Variants in KIAA1217 observed in about 807,000 individuals in gnomAD.
The protein encoded by KIAA1217 is KIAA1217, also known as sickle tail protein homolog.
In KIAA1217, 88 loss-of-function variants were observed where a neutral mutation model predicts 163.9. That is an observed-to-expected ratio of 0.54 (90% CI 0.45 to 0.64). The LOEUF (loss-of-function observed/expected upper bound fraction) is 0.64. Ranked by LOEUF, KIAA1217 falls within the 30% of genes least tolerant of loss-of-function variation. The pLI is 0.00. For synonymous variants in KIAA1217, 903 were observed against 923.1 expected, an observed-to-expected ratio of 0.98 and a Z score of 0.39; for missense variants, 2,372 against 2,475.0, an observed-to-expected ratio of 0.96 and a Z score of 0.88.
Position 23,730,003 on chromosome 10 carries a change from A to G in KIAA1217, c.-321+34769A>G, listed in dbSNP as rs542846988. Reference sequence around the variant, plus strand: ...TGCAAGCTCCGCCTCCCAGGTTCACACCATTGTCCTGCCTCAGTCTCCCAA... The same window carrying G: ...TGCAAGCTCCGCCTCCCAGGTTCACGCCATTGTCCTGCCTCAGTCTCCCAA... On this transcript the variant is annotated intron_variant, in intron 1 of 18. Transcript: ENST00000376462. Among the ~76,000 whole-genome samples, 41 of 151,878 alleles carry G rather than the reference A, an allele frequency of 2.7e-4. No homozygotes were observed. In the East Asian group the frequency reaches 7.8e-3, roughly 29 times the overall value.
chr10:23,855,249 T>G lies in KIAA1217; in HGVS notation c.-320-151976T>G, dbSNP rs948601462. Among the ~76,000 whole-genome samples the G allele has an allele frequency of 2.4e-4, 37 of 152,146 alleles. 1 individual carries two copies. Among genetic ancestry groups the G allele is most frequent in the Admixed American group, 7.9e-4 (12 of 15,270 alleles). ...TCTCAGCATTTGCTTGTCTGTAAAG[T>G]ATTTTATTTCTTCTTTACTTATGAA... On this transcript the variant is annotated intron_variant, in intron 1 of 18. Transcript: ENST00000376462.
intron 2 of KIAA1217, among the ~76,000 whole-genome samples, chr10:24,305,606 T>A (rs1376592123): frequency 2.0e-5 from 3 of 152,204 alleles, no homozygotes; most frequent in Admixed American, 2.0e-4. Context: ...GCAAAGATAG[T>A]CAGCTTGAGC....
At chr10:24,373,356 C>T (rs2051972730) in intron 2 of KIAA1217, among the ~76,000 whole-genome samples, 1 of 152,112 alleles carries the variant, frequency 6.6e-6, no homozygotes, top group Admixed American at 6.5e-5. Flanking sequence ...GAACTTCCTC[C>T]TTTCCCCTTC....
At chr10:24,513,204 C>G in intron 9 of KIAA1217, 55 bp from the exon 10 acceptor site, 1 of 1,557,254 alleles carries the variant, frequency 6.4e-7, no homozygotes, top group African/African-American at 1.4e-5. Flanking sequence ...GGCATTCACT[C>G]GCCTCCATTT....
intron 5 of KIAA1217, among the ~76,000 whole-genome samples, chr10:24,452,445 G>A (rs539314965): frequency 5.9e-5 from 9 of 151,662 alleles, no homozygotes; most frequent in Non-Finnish European, 1.0e-4. Flanking sequence ...AGGCCGAGGC[G>A]GGCGGATCAT....
chr10:24,430,814 A>T (rs79497874), intron 3 of KIAA1217, among the ~76,000 whole-genome samples: 11,318 of 152,238 alleles, frequency 0.074, 611 homozygotes, highest in East Asian at 0.17. Context: ...AGCAGCTGTA[A>T]ATACAGATGA....
rs563672696 is a variant in KIAA1217 at position 23,903,724 on chromosome 10, C to A, written c.-320-103501C>A. Among the ~76,000 whole-genome samples, 7 of 152,174 alleles carry A rather than the reference C, an allele frequency of 4.6e-5. No individual in the cohort carries two copies. In the East Asian group the frequency reaches 1.4e-3, roughly 30 times the overall value. On this transcript the variant is annotated intron_variant, in intron 1 of 18. Coordinates refer to the KIAA1217 transcript ENST00000376462. ...GTTTTTATGGTTGTCTCTCACACAGCAAGGTAGGAGACAGAGTGATTTTCT... is the reference window on the plus strand; with the variant it reads ...GTTTTTATGGTTGTCTCTCACACAGAAAGGTAGGAGACAGAGTGATTTTCT...
chr10:23,800,213 T>A (rs1409012755), intron 1 of KIAA1217, among the ~76,000 whole-genome samples: 1 of 152,200 alleles, frequency 6.6e-6, no homozygotes, highest in Non-Finnish European at 1.5e-5. Context: ...CCATACTGTA[T>A]GAATTTGTTT....
chr10:24,056,737 GGAAGGGA>G (rs2060545427), intron 2 of KIAA1217, among the ~76,000 whole-genome samples: 1 of 152,028 alleles, frequency 6.6e-6, no homozygotes, highest in Non-Finnish European at 1.5e-5. Context: ...GTAAGAGGCA[GGAAGGGA>G]AAAGAACCCC....
At chr10:23,983,718 C>T (rs1318191798) in intron 1 of KIAA1217, among the ~76,000 whole-genome samples, 1 of 152,144 alleles carries the variant, frequency 6.6e-6, no homozygotes, top group Non-Finnish European at 1.5e-5. Flanking sequence ...TAGACAGTGG[C>T]CTTCCCTCTT....
chr10:23,739,529 G>A (rs1161949389), intron 1 of KIAA1217, among the ~76,000 whole-genome samples: 2 of 152,210 alleles, frequency 1.3e-5, no homozygotes, highest in African/African-American at 4.8e-5. Context: ...AGCAGAACAA[G>A]CGAGGGAGGG....
chr10:23,749,471 C>G (rs1232376016), intron 1 of KIAA1217, among the ~76,000 whole-genome samples: 1 of 151,992 alleles, frequency 6.6e-6, no homozygotes, highest in Non-Finnish European at 1.5e-5. Context: ...GCAGTGGCGC[C>G]ATCTTGGCTC....
chr10:24,225,660 G>A (rs1019300419), intron 2 of KIAA1217, among the ~76,000 whole-genome samples: 5 of 152,164 alleles, frequency 3.3e-5, no homozygotes, highest in African/African-American at 9.7e-5. Flanking sequence ...AAAAGAAATA[G>A]GCATTCACAT....
intron 1 of KIAA1217, among the ~76,000 whole-genome samples, chr10:23,772,027 T>C (rs962655299): frequency 6.6e-6 from 1 of 152,252 alleles, no homozygotes; most frequent in Non-Finnish European, 1.5e-5. Flanking sequence ...ATTTTATGCA[T>C]TTTAAATTAT....
At chr10:23,823,277 C>G in intron 1 of KIAA1217, among the ~76,000 whole-genome samples, 1 of 152,332 alleles carries the variant, frequency 6.6e-6, no homozygotes, top group East Asian at 1.9e-4. Context: ...TGCTTCCTTG[C>G]CTGCTCTCAG....
At chr10:24,091,827 G>C (rs1169792825) in intron 2 of KIAA1217, among the ~76,000 whole-genome samples, 1 of 151,688 alleles carries the variant, frequency 6.6e-6, no homozygotes, top group Non-Finnish European at 1.5e-5. Context: ...TTAAATAACA[G>C]GGTGAACATG....
chr10:24,072,482 T>C (rs2061222000), intron 2 of KIAA1217, among the ~76,000 whole-genome samples: 1 of 152,216 alleles, frequency 6.6e-6, no homozygotes, highest in Non-Finnish European at 1.5e-5. Flanking sequence ...ACATAAATAA[T>C]AATAAGCATG....
chr10:24,208,142 C>T (rs1310874722), upstream of KIAA1217, among the ~76,000 whole-genome samples: 4 of 144,980 alleles, frequency 2.8e-5, no homozygotes, highest in Non-Finnish European at 4.5e-5. Context: ...TTTTTTCGGA[C>T]ATCATGCCTC....
At chr10:23,772,465 G>GAAC (rs1408628347) in intron 1 of KIAA1217, among the ~76,000 whole-genome samples, 1 of 152,186 alleles carries the variant, frequency 6.6e-6, no homozygotes, top group East Asian at 1.9e-4. Flanking sequence ...AAGAAAGAAA[G>GAAC]AACAACAACA....
Sources: gnomAD v4.1 joint callset for allele counts (sites outside exome capture counted in the v4.1 genomes callset) on GRCh38, gnomAD v4.1.1 for gene constraint, MANE v1.5 for transcripts, NCBI Gene and HGNC (gene_info 2026-07-23, HGNC 2026-07-21) for gene names.